Variants in CTNND2 observed in about 807,000 individuals in gnomAD.
The protein encoded by CTNND2 is catenin delta 2.
In CTNND2, 22 loss-of-function variants were observed where a neutral mutation model predicts 144.4. The ratio of observed to expected loss-of-function variants is 0.15; its 90% CI spans 0.11 to 0.22. The LOEUF (loss-of-function observed/expected upper bound fraction) is 0.22. Among genes scored for constraint, CTNND2 ranks in the 10% least tolerant of loss-of-function variants. CTNND2 has a pLI of 1.00. For missense variants in CTNND2, 1,353 were observed against 1,618.8 expected, an observed-to-expected ratio of 0.84 and a Z score of 2.82; for synonymous variants, 751 against 695.6, an observed-to-expected ratio of 1.08 and a Z score of -1.25.
At chr5:11,783,812 A>G (rs2126853845) in intron 1 of CTNND2, among the ~76,000 whole-genome samples, 1 of 152,246 alleles carries the variant, frequency 6.6e-6, no homozygotes, top group Non-Finnish European at 1.5e-5. Flanking sequence ...CATAATTCCT[A>G]CTTTCCTTCC....
At chr5:11,219,957 A>G (rs1049624865) in intron 10 of CTNND2, among the ~76,000 whole-genome samples, 1 of 152,012 alleles carries the variant, frequency 6.6e-6, no homozygotes, top group African/African-American at 2.4e-5. Flanking sequence ...CACCTCCCCA[A>G]CTCCACTCAC....
At chr5:11,334,492 C>T (rs562833884) in intron 9 of CTNND2, among the ~76,000 whole-genome samples, 1 of 152,234 alleles carries the variant, frequency 6.6e-6, no homozygotes, top group African/African-American at 2.4e-5. Flanking sequence ...AGACTACATC[C>T]CAGGCTGATT....
chr5:11,511,105 T>C (rs1771602184), intron 3 of CTNND2, among the ~76,000 whole-genome samples: 1 of 152,236 alleles, frequency 6.6e-6, no homozygotes, highest in Admixed American at 6.5e-5. Context: ...GTAAAAGCCC[T>C]GTGGCATTTC....
chr5:11,574,091 C>T (rs1178306506), intron 2 of CTNND2, among the ~76,000 whole-genome samples: 3 of 151,858 alleles, frequency 2.0e-5, no homozygotes, highest in South Asian at 2.1e-4. Flanking sequence ...GTCCATTCCC[C>T]GAGAACTGAA....
chr5:11,795,547 TTCCA>T (rs1474211481), intron 1 of CTNND2, among the ~76,000 whole-genome samples: 2 of 152,100 alleles, frequency 1.3e-5, no homozygotes, highest in Non-Finnish European at 2.9e-5. Context: ...AGGAGTCAGA[TTCCA>T]TCATCTTGGT....
At chr5:11,397,826 T>C (rs1430327907) in intron 5 of CTNND2, among the ~76,000 whole-genome samples, 1 of 152,224 alleles carries the variant, frequency 6.6e-6, no homozygotes, top group African/African-American at 2.4e-5. Context: ...CATACGGTGT[T>C]CAAATTCATG....
intron 2 of CTNND2, among the ~76,000 whole-genome samples, chr5:11,639,465 T>A (rs537855693): frequency 6.6e-6 from 1 of 152,312 alleles, no homozygotes; most frequent in South Asian, 2.1e-4. Flanking sequence ...AATTCTTACA[T>A]ATTCTAAAAG....
chr5:11,887,276 T>C (rs553528641), intron 1 of CTNND2, among the ~76,000 whole-genome samples: 12 of 152,200 alleles, frequency 7.9e-5, no homozygotes, highest in Admixed American at 2.6e-4. Context: ...AGCCACCACA[T>C]CCGGCCTATT....
chr5:11,659,399 T>C (rs1276359893), intron 2 of CTNND2, among the ~76,000 whole-genome samples: 2 of 152,100 alleles, frequency 1.3e-5, no homozygotes, highest in Non-Finnish European at 1.5e-5. Context: ...ATTCTTAATA[T>C]AGTATATGCA....
intron 10 of CTNND2, among the ~76,000 whole-genome samples, chr5:11,218,323 T>G (rs1739429075): frequency 6.6e-6 from 1 of 152,182 alleles, no homozygotes; most frequent in Non-Finnish European, 1.5e-5. Context: ...AGCATCATCT[T>G]GTCATCGGAG....
intron 9 of CTNND2, among the ~76,000 whole-genome samples, chr5:11,239,297 C>T (rs996679384): frequency 1.3e-5 from 2 of 152,250 alleles, no homozygotes; most frequent in African/African-American, 4.8e-5. Flanking sequence ...TTGCACACAC[C>T]CTCAAACTCA....
chr5:11,537,342 T>C (rs1244972807), intron 3 of CTNND2, among the ~76,000 whole-genome samples: 2 of 152,350 alleles, frequency 1.3e-5, no homozygotes, highest in Non-Finnish European at 2.9e-5. Context: ...CTTTCTCTGA[T>C]TGATAAATCA....
At chr5:11,130,381 T>A (rs1195599244) in intron 12 of CTNND2, among the ~76,000 whole-genome samples, 1 of 152,176 alleles carries the variant, frequency 6.6e-6, no homozygotes, top group South Asian at 2.1e-4. Flanking sequence ...GAGTTAGCCA[T>A]GCATCAGGGA....
intron 12 of CTNND2, among the ~76,000 whole-genome samples, chr5:11,138,901 A>G (rs1756421519): frequency 6.6e-6 from 1 of 152,194 alleles, no homozygotes; most frequent in Non-Finnish European, 1.5e-5. Context: ...GCAGAACTAA[A>G]GCATTGGAAT....
intron 2 of CTNND2, among the ~76,000 whole-genome samples, chr5:11,641,202 C>T (rs969325877): frequency 6.6e-6 from 1 of 151,972 alleles, no homozygotes; most frequent in African/African-American, 2.4e-5. Flanking sequence ...AGTGATTGAA[C>T]TGTTAAATTC....
At chr5:11,174,565 G>A (rs1760272552) in intron 11 of CTNND2, among the ~76,000 whole-genome samples, 1 of 151,616 alleles carries the variant, frequency 6.6e-6, no homozygotes, top group South Asian at 2.1e-4. Flanking sequence ...CTTTTATTGT[G>A]CATATTTGTA....
chr5:11,068,760 T>A (rs1747895661), intron 16 of CTNND2, among the ~76,000 whole-genome samples: 1 of 151,972 alleles, frequency 6.6e-6, no homozygotes, highest in Non-Finnish European at 1.5e-5. Flanking sequence ...CTAAAAAATG[T>A]AAACAAATTA....
intron 9 of CTNND2, among the ~76,000 whole-genome samples, chr5:11,342,767 A>G (rs2149734000): frequency 6.6e-6 from 1 of 152,310 alleles, no homozygotes; most frequent in East Asian, 1.9e-4. Flanking sequence ...TCAAATTTTC[A>G]AAATGAGAAT....
Position 11,588,996 on chromosome 5 carries a change from T to C in CTNND2, c.175-23940A>G. ...AGGACGCTGAATTATCCTATGGTAA[T>C]TTCTGCTTTCACTCGCAAACAGTTT... is the stretch of plus-strand genomic sequence containing the variant. On this transcript the variant is annotated intron_variant, in intron 2 of 21. Transcript: ENST00000304623. 1.3e-5 allele frequency: 13 copies of C among 985,354 alleles called. 1 individual carries two copies. The highest frequency in any genetic ancestry group is 9.4e-5 in the South Asian group (2 of 21,270). The allele number at this position is 985,354 out of a possible 1,614,324, so 61.0% of individuals were successfully genotyped here.
Sources: allele counts gnomAD v4.1 joint callset (sites outside exome capture counted in the v4.1 genomes callset), GRCh38; gene constraint gnomAD v4.1.1; transcripts MANE v1.5; gene names NCBI Gene and HGNC (gene_info 2026-07-23, HGNC 2026-07-21).